The following SMOC2 variants were observed in gnomAD, a reference collection of about 807,000 sequenced individuals.
SMOC2 encodes the protein SPARC-related modular calcium-binding protein 2.
In SMOC2, 39 loss-of-function variants were observed where a neutral mutation model predicts 61.4. The ratio of observed to expected loss-of-function variants is 0.64; its 90% CI spans 0.49 to 0.83. The LOEUF (loss-of-function observed/expected upper bound fraction) is 0.83, where lower values mean the gene tolerates loss of function less well. Ranked by LOEUF, SMOC2 falls within the 40% of genes least tolerant of loss-of-function variation. The pLI is 0.00. For synonymous variants in SMOC2, 247 were observed against 239.9 expected, an observed-to-expected ratio of 1.03 and a Z score of -0.27; for missense variants, 556 against 592.9, an observed-to-expected ratio of 0.94 and a Z score of 0.65.
intron 4 of SMOC2, among the ~76,000 whole-genome samples, chr6:168,541,908 T>A (rs1205283974): frequency 6.6e-6 from 1 of 152,208 alleles, no homozygotes. Context: ...TGTTGGATTC[T>A]GACCTCAGGC....
chr6:168,449,752 C>CT (rs1489337565), intron 1 of SMOC2, among the ~76,000 whole-genome samples: 1 of 152,208 alleles, frequency 6.6e-6, no homozygotes, highest in Non-Finnish European at 1.5e-5. Context: ...CTTCTGGACC[C>CT]TCTAGAAGGT....
chr6:168,595,615 T>C (rs1324237813), intron 7 of SMOC2, among the ~76,000 whole-genome samples: 1 of 152,122 alleles, frequency 6.6e-6, no homozygotes, highest in African/African-American at 2.4e-5. Context: ...TAAAAGAAAA[T>C]GGAATTGCAT....
intron 9 of SMOC2, among the ~76,000 whole-genome samples, chr6:168,644,372 A>G (rs1786971044): frequency 6.6e-6 from 1 of 152,132 alleles, no homozygotes; most frequent in Non-Finnish European, 1.5e-5. Context: ...TAGCCATGAC[A>G]TTTTATTTCT....
At chr6:168,464,121 G>A (rs1781772155) in intron 1 of SMOC2, among the ~76,000 whole-genome samples, 1 of 150,284 alleles carries the variant, frequency 6.7e-6, no homozygotes, top group Non-Finnish European at 1.5e-5. Flanking sequence ...AACCTGGGAG[G>A]TGGAGGCTGC....
intron 2 of SMOC2, among the ~76,000 whole-genome samples, chr6:168,517,113 C>T (rs969013195): frequency 3.3e-5 from 5 of 152,210 alleles, no homozygotes; most frequent in Admixed American, 2.6e-4. Context: ...TTCGCTGTGC[C>T]GTGACAAGGC....
rs180941263 is a variant in SMOC2 at position 168,510,008 on chromosome 6, T to C, written c.178T>C (p.Phe60Leu). 20 of 1,614,222 alleles carry C rather than the reference T, an allele frequency of 1.2e-5. No individual in the cohort carries two copies. In the Admixed American group the frequency reaches 3.2e-4, roughly 26 times the overall value. Residue 60 changes from phenylalanine to leucine, a missense_variant, in exon 2 of 13, where the codon TTC becomes CTC. Transcript: ENST00000356284. Reference protein sequence around the residue: ...KPLCASDGRTFLSRCEFQRAK... With the variant: ...KPLCASDGRTLLSRCEFQRAK... The stretch of plus-strand genomic sequence containing the variant: ...TCTCTGCGCATCTGACGGAAGGACC[T>C]TCCTTTCCCGTTGTGAATTTCAACG...
In SMOC2 at chr6:168,465,061, T is replaced by C. The variant is rs113051555; in HGVS notation, c.84+23607T>C. On this transcript the variant is annotated intron_variant, in intron 1 of 12. Transcript: ENST00000356284. ...CCCACCTTGCCCCACACAGACCTTC[T>C]TGGCCAGAGTTGGCCCCTGCCCCAT... Among the ~76,000 whole-genome samples, 556 of 152,336 alleles carry C rather than the reference T, an allele frequency of 3.6e-3. 2 individuals are homozygous for C. Among genetic ancestry groups the C allele is most frequent in the African/African-American group, 0.013 (536 of 41,584 alleles).
At chr6:168,620,007 T>C (rs1017180301) in intron 9 of SMOC2, among the ~76,000 whole-genome samples, 1 of 152,222 alleles carries the variant, frequency 6.6e-6, no homozygotes, top group East Asian at 1.9e-4. Context: ...TCCCTGAGGT[T>C]GGCAGTCACT....
At chr6:168,578,924 G>A (rs938335099) in intron 7 of SMOC2, among the ~76,000 whole-genome samples, 2 of 152,294 alleles carry the variant, frequency 1.3e-5, no homozygotes, top group Admixed American at 1.3e-4. Flanking sequence ...TCTGATGCAC[G>A]CATCTCTCCT....
In SMOC2 at chr6:168,452,084, G is replaced by T. The variant is rs950665853; in HGVS notation, c.84+10630G>T. Among the ~76,000 whole-genome samples the T allele has an allele frequency of 4.6e-5, 7 of 152,204 alleles. No individual in the cohort carries two copies. The highest frequency in any genetic ancestry group is 1.4e-4 in the African/African-American group (6 of 41,444). On this transcript the variant is annotated intron_variant, in intron 1 of 12. Coordinates refer to ENST00000356284, the MANE Select transcript of SMOC2 (RefSeq NM_001166412.2). The surrounding 1 kb of genome is among the most constrained non-coding windows in gnomAD (Gnocchi z 5.0). ...GGGGAGGGTCGCATGGTGGGGTCTG[G>T]GGTTACCACCACCAGCAAAGTTTCT...
At chr6:168,625,491 C>T (rs1039766613) in intron 9 of SMOC2, among the ~76,000 whole-genome samples, 7 of 152,184 alleles carry the variant, frequency 4.6e-5, no homozygotes, top group Non-Finnish European at 7.3e-5. Flanking sequence ...TCTTGGGATT[C>T]GAGTTTCTTT....
intron 7 of SMOC2, among the ~76,000 whole-genome samples, chr6:168,588,277 C>T (rs978589030): frequency 5.9e-5 from 9 of 151,952 alleles, no homozygotes; most frequent in Admixed American, 2.0e-4. Flanking sequence ...GTGCACACCA[C>T]CACACCCAGC....
chr6:168,462,735 G>A (rs1781743033), intron 1 of SMOC2, among the ~76,000 whole-genome samples: 1 of 152,298 alleles, frequency 6.6e-6, no homozygotes, highest in East Asian at 1.9e-4. Context: ...GGGAGAAAAA[G>A]GGTTTGGGCT....
chr6:168,632,822 C>T (rs1786604145), intron 9 of SMOC2, among the ~76,000 whole-genome samples: 1 of 152,158 alleles, frequency 6.6e-6, no homozygotes, highest in Non-Finnish European at 1.5e-5. Flanking sequence ...TGTCATCAGC[C>T]CATCCTTTTG....
In SMOC2 at chr6:168,544,208, ACCCCCCTGGGAAAGT is replaced by A. The variant is rs565888562; in HGVS notation, c.511+538_511+552del. On this transcript the variant is annotated intron_variant, in intron 5 of 12. Coordinates refer to ENST00000356284, the MANE Select transcript of SMOC2 (RefSeq NM_001166412.2). This position sits in a 1 kb window ranked among gnomAD's most constrained non-coding sequence, Gnocchi z 4.1. The stretch of plus-strand genomic sequence containing the variant: ...CGGGGTCTGTCACATGCCCACCATG[ACCCCCCTGGGAAAGT>A]CTCCATCCTCTTCTCTGCCCTTGCC... 4.0e-5 allele frequency among the ~76,000 whole-genome samples: 6 copies of A among 151,284 alleles called. No homozygotes were observed. In the East Asian group the frequency reaches 1.2e-3, roughly 29 times the overall value.
Position 168,526,434 on chromosome 6 carries a change from C to T in SMOC2, c.345C>T (p.Asp115=), listed in dbSNP as rs141699007. 6.7e-5 allele frequency: 108 copies of T among 1,613,948 alleles called. No homozygotes were observed. Among genetic ancestry groups the T allele is most frequent in the African/African-American group, 5.6e-4 (42 of 74,890 alleles). ...AAGTGTTCATTCCTGAGTGCAATGA[C>T]GACGGCACCTACAGTCAGGTTACCG... ...FQQVFIPECN[D]DGTYSQVQCH... The change falls in exon 3 of 13, where the codon GAC becomes GAT. Residue 115 remains aspartate, a synonymous_variant. Coordinates refer to ENST00000356284, the MANE Select transcript of SMOC2 (RefSeq NM_001166412.2).
intron 1 of SMOC2, among the ~76,000 whole-genome samples, chr6:168,499,297 C>T (rs1782670473): frequency 6.6e-6 from 1 of 152,196 alleles, no homozygotes; most frequent in Non-Finnish European, 1.5e-5. Context: ...CATGTGGGAA[C>T]CGCAGTCCAA....
intron 1 of SMOC2, among the ~76,000 whole-genome samples, chr6:168,467,318 T>G (rs1267695088): frequency 6.6e-6 from 1 of 151,700 alleles, no homozygotes; most frequent in Non-Finnish European, 1.5e-5. Flanking sequence ...AGGTTTTTTT[T>G]TTTTCAGAGA....
chr6:168,527,145 G>C (rs1783474887), intron 3 of SMOC2, among the ~76,000 whole-genome samples: 1 of 152,176 alleles, frequency 6.6e-6, no homozygotes, highest in South Asian at 2.1e-4. Context: ...TGGCCTTTGA[G>C]AGACAACGAG....
Sources: allele counts gnomAD v4.1 joint callset (sites outside exome capture counted in the v4.1 genomes callset), GRCh38; gene constraint gnomAD v4.1.1; non-coding constraint Gnocchi (gnomAD v3.1); transcripts MANE v1.5; gene names NCBI Gene and HGNC (gene_info 2026-07-23, HGNC 2026-07-21).